Variants in CAST observed in about 807,000 individuals in gnomAD.
The protein encoded by CAST is MIR583 host.
Under a neutral mutation model 119.6 loss-of-function variants are expected in CAST, and 76 were observed. The observed-to-expected ratio is 0.64, with a 90% CI of 0.53 to 0.77. CAST has a LOEUF of 0.77. CAST is among the 30% of genes least tolerant of loss of function. CAST has a pLI of 0.00. For missense variants in CAST, 953 were observed against 946.5 expected, an observed-to-expected ratio of 1.01 and a Z score of -0.09; for synonymous variants, 319 against 331.6, an observed-to-expected ratio of 0.96 and a Z score of 0.41.
intron 1 of CAST, among the ~76,000 whole-genome samples, chr5:96,651,050 C>T (rs892505174): frequency 6.6e-6 from 1 of 151,648 alleles, no homozygotes; most frequent in African/African-American, 2.4e-5. Flanking sequence ...TTTCCAAGAA[C>T]ATTCTGGAGA....
chr5:96,325,703 C>A, the CAST span, among the ~76,000 whole-genome samples: 1 of 152,088 alleles, frequency 6.6e-6, no homozygotes, highest in Non-Finnish European at 1.5e-5. Context: ...TGGTCTCAAA[C>A]TCCTAAGCTC....
At chr5:96,750,380 G>A (rs943863227) in intron 19 of CAST, among the ~76,000 whole-genome samples, 2 of 152,088 alleles carry the variant, frequency 1.3e-5, no homozygotes, top group African/African-American at 4.8e-5. Flanking sequence ...ACCTGCCTAA[G>A]GTGAGAAGTA....
At chr5:96,648,198 T>C (rs1748042917) in intron 1 of CAST, among the ~76,000 whole-genome samples, 1 of 152,220 alleles carries the variant, frequency 6.6e-6, no homozygotes, top group African/African-American at 2.4e-5. Flanking sequence ...TAGAATGACT[T>C]ACCACCCTCT....
At chr5:96,062,171 A>G in the CAST span, among the ~76,000 whole-genome samples, 4 of 152,160 alleles carry the variant, frequency 2.6e-5, no homozygotes, top group Non-Finnish European at 5.9e-5. Flanking sequence ...ATTGTATCAG[A>G]CCAAGGAACC....
At chr5:96,697,962 C>T (rs903287586) in intron 3 of CAST, among the ~76,000 whole-genome samples, 1 of 152,176 alleles carries the variant, frequency 6.6e-6, no homozygotes, top group African/African-American at 2.4e-5. Context: ...GAGTCTTCAA[C>T]TAAAAAAGAT....
the CAST span, among the ~76,000 whole-genome samples, chr5:96,361,980 C>T: frequency 6.6e-6 from 1 of 151,924 alleles, no homozygotes; most frequent in Non-Finnish European, 1.5e-5. Flanking sequence ...GCTATCCCTC[C>T]CCTTCCCCAC....
chr5:96,419,414 CCT>C, the CAST span, among the ~76,000 whole-genome samples: 75 of 128,840 alleles, frequency 5.8e-4, no homozygotes, highest in Admixed American at 5.4e-4. Context: ...TCACTTAATA[CCT>C]CTCTCTCTCT....
chr5:96,353,640 G>T, the CAST span, among the ~76,000 whole-genome samples: 1 of 151,406 alleles, frequency 6.6e-6, no homozygotes, highest in Non-Finnish European at 1.5e-5. Context: ...CTCTTGTCTG[G>T]AGCTGTGATT....
At chr5:96,743,318 G>A (rs1763068516) in intron 16 of CAST, among the ~76,000 whole-genome samples, 1 of 152,168 alleles carries the variant, frequency 6.6e-6, no homozygotes, top group Admixed American at 6.5e-5. Flanking sequence ...CTTACATCTG[G>A]TGTACGAAAG....
intron 1 of CAST, among the ~76,000 whole-genome samples, chr5:96,539,004 C>A (rs1580815561): frequency 6.6e-6 from 1 of 152,176 alleles, no homozygotes; most frequent in Non-Finnish European, 1.5e-5. Context: ...GACCACAGAA[C>A]TTTCATTATA....
upstream of CAST, among the ~76,000 whole-genome samples, chr5:96,659,191 A>C (rs932676815): frequency 1.3e-5 from 2 of 152,334 alleles, no homozygotes; most frequent in African/African-American, 2.4e-5. Context: ...TATAATGAAA[A>C]AGGTTGAGGT....
the CAST span, among the ~76,000 whole-genome samples, chr5:96,361,504 C>T: frequency 2.6e-5 from 4 of 152,184 alleles, no homozygotes; most frequent in East Asian, 1.9e-4. Flanking sequence ...TTGTGAAGTC[C>T]GTGGGAAAAG....
chr5:96,174,299 C>T, the CAST span, among the ~76,000 whole-genome samples: 10 of 152,318 alleles, frequency 6.6e-5, no homozygotes, highest in African/African-American at 2.4e-4. Flanking sequence ...TTGGGCCACA[C>T]TTCTAGTTCA....
intron 1 of CAST, among the ~76,000 whole-genome samples, chr5:96,555,967 G>C (rs1746230226): frequency 6.6e-6 from 1 of 152,210 alleles, no homozygotes; most frequent in Non-Finnish European, 1.5e-5. Context: ...CCCCAGTAGG[G>C]GCAGACTGAC....
the CAST span, among the ~76,000 whole-genome samples, chr5:96,040,094 T>TAAG: frequency 5.8e-4 from 88 of 152,286 alleles, 1 homozygote; most frequent in Non-Finnish European, 1.1e-3. Flanking sequence ...TCACATCCCT[T>TAAG]GTAAGTTGGA....
At chr5:96,429,662 T>G in the CAST span, among the ~76,000 whole-genome samples, 962 of 152,310 alleles carry the variant, frequency 6.3e-3, 11 homozygotes, top group African/African-American at 0.022. Flanking sequence ...TGTATTTACG[T>G]GTTCTCATCA....
intron 3 of CAST, among the ~76,000 whole-genome samples, chr5:96,709,716 C>A (rs1320665830): frequency 6.6e-6 from 1 of 152,184 alleles, no homozygotes; most frequent in African/African-American, 2.4e-5. Context: ...TCATATCACT[C>A]TACACATGTT....
At chr5:96,327,067 T>G in the CAST span, among the ~76,000 whole-genome samples, 3 of 152,182 alleles carry the variant, frequency 2.0e-5, no homozygotes, top group East Asian at 5.8e-4. Context: ...GGTTTTGGAG[T>G]GAAACTGATC....
At chr5:96,733,548 T>C (rs1484188679) in intron 9 of CAST, among the ~76,000 whole-genome samples, 1 of 152,228 alleles carries the variant, frequency 6.6e-6, no homozygotes, top group Non-Finnish European at 1.5e-5. Context: ...TTGCAGCAAG[T>C]CATTTTACTT....
Sources: allele counts gnomAD v4.1 joint callset (sites outside exome capture counted in the v4.1 genomes callset), GRCh38; gene constraint gnomAD v4.1.1; transcripts MANE v1.5; gene names NCBI Gene and HGNC (gene_info 2026-07-23, HGNC 2026-07-21).